Variants in B3GALT1 observed in about 807,000 individuals in gnomAD.
B3GALT1 encodes the protein UDP-Gal:betaGlcNAc beta 1,3-galactosyltransferase, polypeptide 1.
Under a neutral mutation model 23.2 loss-of-function variants are expected in B3GALT1, and 10 were observed. The observed-to-expected ratio is 0.43, with a 90% CI of 0.27 to 0.73. The LOEUF (loss-of-function observed/expected upper bound fraction) is 0.73. Among genes scored for constraint, B3GALT1 ranks in the 30% least tolerant of loss-of-function variants. B3GALT1 has a pLI of 0.21. For synonymous variants in B3GALT1, 156 were observed against 141.5 expected (o/e 1.10, Z -0.73); for missense variants, 299 against 405.4 (o/e 0.74, Z 2.25).
chr2:167,749,890 T>G (rs1206199349), intron 3 of B3GALT1, among the ~76,000 whole-genome samples: 1 of 152,260 alleles, frequency 6.6e-6, no homozygotes, highest in Non-Finnish European at 1.5e-5. Flanking sequence ...TGTTTTACAG[T>G]TTGTATTTAC....
In B3GALT1 at chr2:167,873,702, A is replaced by G. The variant is rs1690392222; in HGVS notation, c.*3682A>G. The G allele has an allele frequency of 6.6e-6, 1 of 152,224 alleles. No individual in the cohort carries two copies. The highest frequency in any genetic ancestry group is 2.1e-4 in the South Asian group (1 of 4,832). The allele number at this position is 152,224 out of a possible 1,614,324, so 9.4% of individuals were successfully genotyped here. On this transcript the variant is annotated 3_prime_UTR_variant, in exon 5 of 5. Transcript: ENST00000392690. ...ACATTTAGGTATAACGTCATATATGAATGATTGTATTTATGTATTTATTTG... is the reference window on the plus strand; with the variant it reads ...ACATTTAGGTATAACGTCATATATGGATGATTGTATTTATGTATTTATTTG...
At chr2:167,296,211 G>A (rs963456816) in intron 1 of B3GALT1, among the ~76,000 whole-genome samples, 1 of 152,026 alleles carries the variant, frequency 6.6e-6, no homozygotes, top group Non-Finnish European at 1.5e-5. Flanking sequence ...AATACTCATC[G>A]GATAACTTTT....
chr2:167,716,162 G>A (rs569360902), intron 3 of B3GALT1: 42 of 1,273,304 alleles, frequency 3.3e-5, no homozygotes, highest in Admixed American at 4.5e-5. Context: ...ATCCGCACGC[G>A]GCAACCAACC....
chr2:167,597,336 C>T (rs1358366045), intron 2 of B3GALT1, among the ~76,000 whole-genome samples: 2 of 151,900 alleles, frequency 1.3e-5, no homozygotes, highest in Non-Finnish European at 2.9e-5. Flanking sequence ...AAGATAGTCT[C>T]GATCTCCTGA....
intron 3 of B3GALT1, among the ~76,000 whole-genome samples, 93 bp from the exon 4 acceptor site, chr2:167,818,579 A>T (rs1689042424): frequency 6.6e-6 from 1 of 152,088 alleles, no homozygotes; most frequent in South Asian, 2.1e-4. Context: ...AAATAGAAAT[A>T]TTTTTTTAAA....
chr2:167,562,341 G>T (rs1370198006), intron 2 of B3GALT1, among the ~76,000 whole-genome samples: 1 of 152,252 alleles, frequency 6.6e-6, no homozygotes, highest in South Asian at 2.1e-4. Flanking sequence ...CAAACCCACA[G>T]CCAATATCAT....
At chr2:167,427,042 AT>A (rs1204809506) in intron 1 of B3GALT1, among the ~76,000 whole-genome samples, 5 of 152,236 alleles carry the variant, frequency 3.3e-5, no homozygotes, top group African/African-American at 1.2e-4. Flanking sequence ...TTAAAGAACC[AT>A]TATGGCTCAA....
intron 3 of B3GALT1, among the ~76,000 whole-genome samples, chr2:167,770,592 G>A (rs894269987): frequency 1.3e-5 from 2 of 152,086 alleles, no homozygotes; most frequent in African/African-American, 2.4e-5. Context: ...TGTTAGTGGT[G>A]TCTTTCTCAA....
At chr2:167,789,953 C>T (rs1445114036) in intron 3 of B3GALT1, among the ~76,000 whole-genome samples, 3 of 152,178 alleles carry the variant, frequency 2.0e-5, no homozygotes. Flanking sequence ...ATTCTCTACA[C>T]AACCACCACC....
At chr2:167,756,776 A>T (rs1687824517) in intron 3 of B3GALT1, among the ~76,000 whole-genome samples, 1 of 152,230 alleles carries the variant, frequency 6.6e-6, no homozygotes, top group Non-Finnish European at 1.5e-5. Flanking sequence ...GAAAGAAACT[A>T]TGCGGATGTC....
At chr2:167,305,204 C>A (rs1048734414) in intron 1 of B3GALT1, among the ~76,000 whole-genome samples, 1 of 152,134 alleles carries the variant, frequency 6.6e-6, no homozygotes, top group African/African-American at 2.4e-5. Context: ...CACATACAGA[C>A]ACGAAATATT....
At chr2:167,864,312 G>A (rs1690166957) in intron 4 of B3GALT1, among the ~76,000 whole-genome samples, 1 of 152,198 alleles carries the variant, frequency 6.6e-6, no homozygotes, top group Admixed American at 6.5e-5. Context: ...CAGCACTTTG[G>A]ATGGCCAAGG....
At chr2:167,661,359 G>A (rs979233646) in intron 3 of B3GALT1, among the ~76,000 whole-genome samples, 3 of 151,908 alleles carry the variant, frequency 2.0e-5, no homozygotes, top group Non-Finnish European at 4.4e-5. Context: ...GCCCATTATG[G>A]AGCAGCTTTA....
intron 2 of B3GALT1, among the ~76,000 whole-genome samples, chr2:167,580,326 C>G (rs945413464): frequency 6.6e-6 from 1 of 152,044 alleles, no homozygotes; most frequent in Non-Finnish European, 1.5e-5. Flanking sequence ...CCTCTTGATC[C>G]AACACTTTCT....
At chr2:167,425,616 T>C in intron 1 of B3GALT1, among the ~76,000 whole-genome samples, 1 of 152,222 alleles carries the variant, frequency 6.6e-6, no homozygotes. Context: ...CCTTGGCAAA[T>C]TAGTATGGGA....
At chr2:167,463,138 T>C (rs377384034) in intron 1 of B3GALT1, among the ~76,000 whole-genome samples, 1 of 152,248 alleles carries the variant, frequency 6.6e-6, no homozygotes. Context: ...TTTTGTCTGT[T>C]TCTGATAACT....
intron 2 of B3GALT1, among the ~76,000 whole-genome samples, chr2:167,562,565 G>C (rs1339002640): frequency 9.9e-5 from 15 of 151,566 alleles, no homozygotes; most frequent in Non-Finnish European, 1.8e-4. Flanking sequence ...ACCCCATTGT[G>C]TCAGCCCAAA....
intron 2 of B3GALT1, among the ~76,000 whole-genome samples, chr2:167,593,484 C>T (rs1380369171): frequency 6.6e-6 from 1 of 152,152 alleles, no homozygotes; most frequent in Non-Finnish European, 1.5e-5. Flanking sequence ...ATCCACAAAA[C>T]TCATAACAGT....
intron 3 of B3GALT1, among the ~76,000 whole-genome samples, chr2:167,671,798 A>C (rs750744119): frequency 6.6e-6 from 1 of 152,102 alleles, no homozygotes; most frequent in African/African-American, 2.4e-5. Flanking sequence ...ATTAAAGCAA[A>C]AATAAATTAG....
Sources: allele counts gnomAD v4.1 joint callset (sites outside exome capture counted in the v4.1 genomes callset), GRCh38; gene constraint gnomAD v4.1.1; transcripts MANE v1.5; gene names NCBI Gene and HGNC (gene_info 2026-07-23, HGNC 2026-07-21).